NRG1: variants seen among roughly 807,000 people sequenced by gnomAD.
NRG1 encodes pro-neuregulin-1, membrane-bound isoform.
In NRG1, 18 loss-of-function variants were observed where a neutral mutation model predicts 63.8. The ratio of observed to expected loss-of-function variants is 0.28; its 90% CI spans 0.19 to 0.42. The LOEUF (loss-of-function observed/expected upper bound fraction) is 0.42. NRG1 is among the 10% of genes least tolerant of loss of function. The pLI is 1.00. For synonymous variants in NRG1, 302 were observed against 301.3 expected (o/e 1.00, Z -0.02); for missense variants, 762 against 814.7 (o/e 0.94, Z 0.79).
chr8:32,498,650 A>G (rs1284453703), intron 1 of NRG1, among the ~76,000 whole-genome samples: 2 of 152,152 alleles, frequency 1.3e-5, no homozygotes, highest in African/African-American at 4.8e-5. Context: ...GGGGACTACA[A>G]TTCAAGATGA....
intron 1 of NRG1, among the ~76,000 whole-genome samples, chr8:31,683,776 A>G (rs9297175): frequency 0.9 from 137,526 of 152,044 alleles, 63,547 homozygotes; most frequent in East Asian, 1. Context: ...TCGTGAGGGA[A>G]GCTGTGCATG....
intron 1 of NRG1, among the ~76,000 whole-genome samples, chr8:31,855,679 C>T (rs1322060341): frequency 1.4e-4 from 22 of 152,190 alleles, no homozygotes; most frequent in Middle Eastern, 3.4e-3. Flanking sequence ...TTATTTTGCT[C>T]CTTAGTTGAT....
intron 1 of NRG1, among the ~76,000 whole-genome samples, chr8:32,393,279 G>C (rs1476502322): frequency 6.6e-6 from 1 of 152,116 alleles, no homozygotes; most frequent in Non-Finnish European, 1.5e-5. Context: ...ACAATTTCCT[G>C]TCCCACTAGG....
At chr8:32,731,796 G>T (rs1200806435) in intron 6 of NRG1, among the ~76,000 whole-genome samples, 4 of 152,090 alleles carry the variant, frequency 2.6e-5, no homozygotes, top group African/African-American at 9.7e-5. Context: ...GCTCATCATG[G>T]TCCTGTCTAT....
chr8:32,494,139 G>T (rs1192037402), intron 1 of NRG1, among the ~76,000 whole-genome samples: 1 of 152,132 alleles, frequency 6.6e-6, no homozygotes, highest in African/African-American at 2.4e-5. Context: ...GGAATTCAAA[G>T]ATGAACAGAA....
At chr8:32,069,068 A>G (rs1825341196) in intron 1 of NRG1, among the ~76,000 whole-genome samples, 1 of 152,184 alleles carries the variant, frequency 6.6e-6, no homozygotes, top group African/African-American at 2.4e-5. Flanking sequence ...GGAAAGCAGA[A>G]TGGCAGGAAG....
At chr8:32,614,550 C>A (rs748245939) in exon 4 of NRG1, 3 of 1,612,320 alleles carry the variant, frequency 1.9e-6, no homozygotes, top group Admixed American at 1.7e-5. Flanking sequence ...ACTGAAGGAG[C>A]ATATGTGTCT....
chr8:31,894,915 T>C (rs1290508389), intron 1 of NRG1, among the ~76,000 whole-genome samples: 1 of 152,148 alleles, frequency 6.6e-6, no homozygotes, highest in Admixed American at 6.6e-5. Context: ...GTCCAGCCTT[T>C]GCAATCAGGA....
At chr8:31,714,913 T>C (rs1054320421) in intron 1 of NRG1, among the ~76,000 whole-genome samples, 1 of 152,192 alleles carries the variant, frequency 6.6e-6, no homozygotes. Flanking sequence ...TTTAGTAGCC[T>C]TGTGATTTTT....
intron 1 of NRG1, among the ~76,000 whole-genome samples, chr8:32,370,128 G>A (rs1367685319): frequency 6.6e-6 from 1 of 152,116 alleles, no homozygotes; most frequent in Non-Finnish European, 1.5e-5. Flanking sequence ...TCTGGGGAGT[G>A]GAAATGTTTC....
Position 31,663,053 on chromosome 8 carries a change from C to T in NRG1, c.37+23622C>T, listed in dbSNP as rs576607180. 2.0e-4 allele frequency among the ~76,000 whole-genome samples: 31 copies of T among 152,274 alleles called. No individual in the cohort carries two copies. The South Asian group carries it at 2.7e-3, about 13-fold the overall frequency. ...ATTCACAGAAGGCCCTCTTGTCTTCCGTGCTCACTGCGTGGATGGAACACC... is the reference window on the plus strand; with the variant it reads ...ATTCACAGAAGGCCCTCTTGTCTTCTGTGCTCACTGCGTGGATGGAACACC... On this transcript the variant is annotated intron_variant, in intron 1 of 10. Coordinates refer to the NRG1 transcript ENST00000519301.
intron 1 of NRG1, among the ~76,000 whole-genome samples, chr8:32,064,318 G>A (rs1377775955): frequency 2.0e-5 from 3 of 152,158 alleles, no homozygotes; most frequent in Non-Finnish European, 4.4e-5. Context: ...GTGCTGCAAT[G>A]AATAGCAGGG....
chr8:31,884,445 T>C (rs1830571629), intron 1 of NRG1, among the ~76,000 whole-genome samples: 1 of 152,118 alleles, frequency 6.6e-6, no homozygotes, highest in Non-Finnish European at 1.5e-5. Context: ...CAGCCTGATC[T>C]CAGAGTAATG....
intron 1 of NRG1, among the ~76,000 whole-genome samples, chr8:31,643,510 A>C (rs940002720): frequency 2.0e-5 from 3 of 152,142 alleles, no homozygotes; most frequent in Non-Finnish European, 4.4e-5. Flanking sequence ...TAATGTCGAT[A>C]AAACAAGAAG....
chr8:32,489,092 C>A (rs1003752248), intron 1 of NRG1, among the ~76,000 whole-genome samples: 4 of 152,184 alleles, frequency 2.6e-5, no homozygotes, highest in African/African-American at 9.6e-5. Flanking sequence ...GACCTTCTGA[C>A]TTGGGGGTGT....
At chr8:32,501,522 A>C (rs555755376) in intron 1 of NRG1, among the ~76,000 whole-genome samples, 1 of 152,226 alleles carries the variant, frequency 6.6e-6, no homozygotes, top group Non-Finnish European at 1.5e-5. Context: ...TTCAAGGTCA[A>C]GAAGACTTCA....
At chr8:32,602,180 T>C (rs1486583548) in intron 2 of NRG1, among the ~76,000 whole-genome samples, 1 of 152,172 alleles carries the variant, frequency 6.6e-6, no homozygotes, top group African/African-American at 2.4e-5. Context: ...AAAAATTCAC[T>C]GAGATGCATT....
At chr8:32,487,896 C>A (rs925410875) in intron 1 of NRG1, among the ~76,000 whole-genome samples, 1 of 152,194 alleles carries the variant, frequency 6.6e-6, no homozygotes, top group Non-Finnish European at 1.5e-5. Context: ...TTACATGCAG[C>A]CTTCAGTCAT....
In NRG1 at chr8:32,354,373, A is replaced by G. The variant is rs185928670; in HGVS notation, c.38-241455A>G. Among the ~76,000 whole-genome samples the G allele has an allele frequency of 3.3e-3, 303 of 91,556 alleles. 3 individuals carry two copies. Among genetic ancestry groups the G allele is most frequent in the African/African-American group, 0.01 (280 of 27,360 alleles). 60.1% of individuals were successfully genotyped at this position (91,556 alleles called of 152,430 possible). ...GACAGAGTGAGACTCCATCTCAAAA[A>G]ACAACAACAACAAAAAGTGTACATA... On this transcript the variant is annotated intron_variant, in intron 1 of 10. Coordinates refer to the NRG1 transcript ENST00000519301.
Sources: allele counts gnomAD v4.1 joint callset (sites outside exome capture counted in the v4.1 genomes callset), GRCh38; gene constraint gnomAD v4.1.1; transcripts MANE v1.5; gene names NCBI Gene and HGNC (gene_info 2026-07-23, HGNC 2026-07-21).